Variants in BRD4 observed in about 807,000 individuals in gnomAD.
BRD4 encodes bromodomain containing 4, also known as bromodomain-containing protein 4.
In BRD4, 16 loss-of-function variants were observed where a neutral mutation model predicts 142.1. The observed-to-expected ratio is 0.11, with a 90% confidence interval of 0.08 to 0.17. The LOEUF is 0.17. Ranked by LOEUF, BRD4 falls within the 10% of genes least tolerant of loss-of-function variation. The pLI, the probability that BRD4 is intolerant of heterozygous loss-of-function variation, is 1.00. For synonymous variants in BRD4, 833 were observed against 707.5 expected, an observed-to-expected ratio of 1.18 and a Z score of -2.82; for missense variants, 1,424 against 1,810.9, an observed-to-expected ratio of 0.79 and a Z score of 3.88.
intron 1 of BRD4, chr19:15,331,903 A>G (rs2145032408): frequency 6.9e-6 from 1 of 145,482 alleles, no homozygotes; most frequent in South Asian, 2.0e-4. Flanking sequence ...CTCACTTAAC[A>G]AAATGGCGGC....
chr19:15,264,127 T>C, intron 6 of BRD4: 1 of 398,696 alleles, frequency 2.5e-6, no homozygotes, highest in Non-Finnish European at 4.5e-6. Context: ...CCTGGGGCAC[T>C]GGGCCCCCAA....
chr19:15,315,849 A>G (rs1387287892), intron 1 of BRD4, among the ~76,000 whole-genome samples: 12 of 148,818 alleles, frequency 8.1e-5, no homozygotes, highest in African/African-American at 3.0e-4. Context: ...CTGTCTCAAA[A>G]AAAAGCACCT....
intron 11 of BRD4, chr19:15,249,047 T>C: frequency 1.6e-6 from 1 of 617,134 alleles, no homozygotes; most frequent in South Asian, 2.0e-5. Context: ...AGGCAGTCTT[T>C]ACACAGAGAG....
intron 1 of BRD4, among the ~76,000 whole-genome samples, chr19:15,325,516 C>A (rs772060321): frequency 6.6e-6 from 1 of 152,128 alleles, no homozygotes; most frequent in African/African-American, 2.4e-5. Flanking sequence ...TTCTACTTCT[C>A]ACCACATTAA....
rs1442837351 is a variant in BRD4, at chr19:15,238,380, G to C, written c.4086C>G (p.Phe1362Leu). 1 of 1,613,988 alleles carries C rather than the reference G, an allele frequency of 6.2e-7. No individual in the cohort carries two copies. Among genetic ancestry groups the C allele is most frequent in the Non-Finnish European group, 8.5e-7 (1 of 1,179,988 alleles). ...GTCAGAAGCCACCTAGGTGCGCTCAGAAAAGATTTTCTTCAAATATTGACA... is the reference window on the plus strand; with the variant it reads ...GTCAGAAGCCACCTAGGTGCGCTCACAAAAGATTTTCTTCAAATATTGACA... ...DLLSIFEENL[F>L] Residue 1362 changes from phenylalanine (F) to leucine (L), a missense_variant, in exon 20 of 20, where the codon TTC becomes TTG. Phe to Leu is a conservative substitution (Grantham distance 22). Transcript: ENST00000679869. This position sits in a 1 kb window ranked among gnomAD's most constrained non-coding sequence, Gnocchi z 7.2.
At chr19:15,257,941 A>G (rs1322401435) in intron 7 of BRD4, among the ~76,000 whole-genome samples, 1 of 152,174 alleles carries the variant, frequency 6.6e-6, no homozygotes, top group Non-Finnish European at 1.5e-5. Flanking sequence ...AGCTCAGGGA[A>G]CAGCAGCCAT....
At position 15,263,559 on chromosome 19, in the gene BRD4, A is replaced by C. The variant is rs767267574; in HGVS notation, c.1213-11T>G. 2 of 1,614,020 alleles carry C rather than the reference A, an allele frequency of 1.2e-6. No individual in the cohort carries two copies. Among genetic ancestry groups the C allele is most frequent in the South Asian group, 2.2e-5 (2 of 91,080 alleles). On this transcript the variant is annotated splice_polypyrimidine_tract_variant and intron_variant, in intron 6 of 19. Transcript: ENST00000679869. ...GGCCTCCAGTTTAGACTGGAAAACA[A>C]GACAAGTCCCTGTTAGCTGTGTCTG... is the stretch of plus-strand genomic sequence containing the variant.
At chr19:15,269,771 T>C (rs1040918604) in intron 2 of BRD4, among the ~76,000 whole-genome samples, 7 of 152,200 alleles carry the variant, frequency 4.6e-5, no homozygotes, top group Non-Finnish European at 1.0e-4. Flanking sequence ...CAGATCTTAC[T>C]AAGTGCCAAA....
rs750946115 is a variant in BRD4 at position 15,242,889 on chromosome 19, G to A, written c.3169+11C>T. On this transcript the variant is annotated intron_variant, in intron 14 of 19. Coordinates refer to ENST00000679869, the MANE Select transcript of BRD4 (RefSeq NM_001379291.1). ...CAGCCTCCCCAGAGTCTACGGGTGA[G>A]GACCACTTACCGGTTGAGTAGGGGT... 4.4e-6 allele frequency: 7 copies of A among 1,601,380 alleles called. No homozygotes were observed. Among genetic ancestry groups the A allele is most frequent in the East Asian group, 4.5e-5 (2 of 44,490 alleles).
chr19:15,313,234 G>A (rs934163181), intron 1 of BRD4, among the ~76,000 whole-genome samples: 5 of 151,934 alleles, frequency 3.3e-5, no homozygotes, highest in African/African-American at 1.2e-4. Flanking sequence ...TTAGCCGGGC[G>A]TGGTGGCGGA....
rs2047198788 is a variant in BRD4, at chr19:15,237,227, A to C, written c.*1150T>G. On this transcript the variant is annotated 3_prime_UTR_variant, in exon 20 of 20. Transcript: ENST00000679869. ...TCAACAGATCTGACATTAAAAAACA[A>C]AAAAGCCAACAAATGGGTGGGGGGG... 1 of 113,370 alleles carries C rather than the reference A, an allele frequency of 8.8e-6. No individual in the cohort carries two copies. Among genetic ancestry groups the C allele is most frequent in the Non-Finnish European group, 1.7e-5 (1 of 59,984 alleles). 7.0% of individuals were successfully genotyped at this position (113,370 alleles called of 1,614,324 possible). A position where few individuals can be genotyped will look rare whatever the true frequency, so the allele number is the denominator to read the frequency against.
At position 15,257,084 on chromosome 19, in the gene BRD4, G is replaced by T. The variant is rs912524978; in HGVS notation, c.1431C>A (p.Thr477=). The change falls in exon 8 of 20, where the codon ACC becomes ACA. Residue 477 remains threonine, a synonymous_variant. Coordinates refer to ENST00000679869, the MANE Select transcript of BRD4 (RefSeq NM_001379291.1). Reference sequence around the variant, plus strand: ...TGGATGAGGGCGGGGCCACAACCTTGGTGGGAGGGGGCACTGCCGGGGAGG... The same window carrying T: ...TGGATGAGGGCGGGGCCACAACCTTTGTGGGAGGGGGCACTGCCGGGGAGG... ...AVSSPAVPPP[T]KVVAPPSSSD... 3.1e-6 allele frequency: 5 copies of T among 1,607,342 alleles called. No homozygotes were observed. The Admixed American group carries it at 5.0e-5, about 16-fold the overall frequency.
chr19:15,250,869 C>T (rs531730932), intron 11 of BRD4, among the ~76,000 whole-genome samples: 6 of 152,288 alleles, frequency 3.9e-5, no homozygotes, highest in African/African-American at 1.4e-4. Flanking sequence ...GTCCACAGCC[C>T]ACCTGGGACA....
At chr19:15,282,602 A>G (rs1322214896) in intron 1 of BRD4, among the ~76,000 whole-genome samples, 1 of 152,232 alleles carries the variant, frequency 6.6e-6, no homozygotes, top group Non-Finnish European at 1.5e-5. Context: ...TACAGGCTGA[A>G]AGATTATGAT....
intron 1 of BRD4, among the ~76,000 whole-genome samples, chr19:15,305,134 TC>T (rs2047903226): frequency 6.7e-6 from 1 of 148,712 alleles, no homozygotes; most frequent in South Asian, 2.2e-4. Flanking sequence ...TTCTCCCGCC[TC>T]AGCCTCCCGA....
chr19:15,287,518 T>C lies in BRD4; in HGVS notation c.-34-14385A>G, dbSNP rs538105137. 2.0e-5 allele frequency among the ~76,000 whole-genome samples: 3 copies of C among 152,290 alleles called. No homozygotes were observed. The East Asian group carries it at 5.8e-4, about 29-fold the overall frequency. ...CCTCAGTCTCCCAAAGTGCTGGGAC[T>C]ACAGATGAGCCACCACAACTGGGCG... is the stretch of plus-strand genomic sequence containing the variant. On this transcript the variant is annotated intron_variant, in intron 1 of 19. Transcript: ENST00000679869.
intron 1 of BRD4, among the ~76,000 whole-genome samples, chr19:15,318,203 T>C (rs2048032259): frequency 6.6e-6 from 1 of 151,964 alleles, no homozygotes. Context: ...AGAAATGGGA[T>C]TAATAAAAGC....
chr19:15,246,160 G>T (rs578188407), intron 11 of BRD4, among the ~76,000 whole-genome samples: 3 of 152,230 alleles, frequency 2.0e-5, no homozygotes, highest in Non-Finnish European at 4.4e-5. Context: ...GGCTCAGGAC[G>T]CTCTGGGTCA....
At chr19:15,288,055 A>G (rs1249063963) in intron 1 of BRD4, among the ~76,000 whole-genome samples, 1 of 152,194 alleles carries the variant, frequency 6.6e-6, no homozygotes, top group African/African-American at 2.4e-5. Flanking sequence ...GGTGTGAGCC[A>G]CTGTACCTGG....
Sources: allele counts gnomAD v4.1 joint callset (sites outside exome capture counted in the v4.1 genomes callset), GRCh38; gene constraint gnomAD v4.1.1; non-coding constraint Gnocchi (gnomAD v3.1); transcripts MANE v1.5; gene names NCBI Gene and HGNC (gene_info 2026-07-23, HGNC 2026-07-21).